The following DLGAP1 variants were observed in gnomAD, a reference collection of about 807,000 sequenced individuals.
DLGAP1 encodes the protein disks large-associated protein 1.
DLGAP1 carries 11 observed loss-of-function variants against 90.8 expected under a neutral mutation model. That is an observed-to-expected ratio of 0.12 (90% confidence interval 0.08 to 0.20). The LOEUF (loss-of-function observed/expected upper bound fraction) is 0.20. DLGAP1 is among the 10% of genes least tolerant of loss of function. DLGAP1 has a pLI of 1.00. For missense variants in DLGAP1, 1,050 were observed against 1,333.8 expected (o/e 0.79, Z 3.31); for synonymous variants, 558 against 540.7 (o/e 1.03, Z -0.44).
chr18:4,406,556 G>A (rs2082668931), intron 1 of DLGAP1, among the ~76,000 whole-genome samples: 1 of 152,220 alleles, frequency 6.6e-6, no homozygotes, highest in South Asian at 2.1e-4. Context: ...ACAGAGGTTT[G>A]TGAATGTCCA....
intron 3 of DLGAP1, among the ~76,000 whole-genome samples, chr18:3,998,843 T>G (rs977271821): frequency 2.0e-5 from 3 of 152,194 alleles, no homozygotes; most frequent in African/African-American, 2.4e-5. Flanking sequence ...TTTGCAGTTG[T>G]TTTTGTCATT....
chr18:4,166,212 G>A (rs1249438852), intron 1 of DLGAP1, among the ~76,000 whole-genome samples: 1 of 151,886 alleles, frequency 6.6e-6, no homozygotes, highest in Non-Finnish European at 1.5e-5. Flanking sequence ...ATGAACAAAG[G>A]ACTTGAATAG....
At chr18:3,535,231 G>A (rs971479820) in intron 9 of DLGAP1, among the ~76,000 whole-genome samples, 3 of 152,058 alleles carry the variant, frequency 2.0e-5, no homozygotes, top group African/African-American at 7.2e-5. Flanking sequence ...CATATCAAGA[G>A]AAATTTTATA....
intron 2 of DLGAP1, among the ~76,000 whole-genome samples, chr18:4,087,463 C>A (rs2075704023): frequency 6.6e-6 from 1 of 152,198 alleles, no homozygotes; most frequent in Admixed American, 6.5e-5. Context: ...AGATAACTAG[C>A]CAGACCCATC....
chr18:3,967,550 G>T lies in DLGAP1; in HGVS notation c.-73+37566C>A, dbSNP rs185904882. Among the ~76,000 whole-genome samples, 22 of 152,232 alleles carry T rather than the reference G, an allele frequency of 1.4e-4. 2 individuals are homozygous for T. Among genetic ancestry groups the T allele is most frequent in the Admixed American group, 1.4e-3 (22 of 15,302 alleles). On this transcript the variant is annotated intron_variant, in intron 3 of 12. Transcript: ENST00000315677. ...ACAATCCCTGCAGGTGACTGATGCC[G>T]GCTGAAATTTGAGAACCACTGGTAA...
At position 3,508,557 on chromosome 18, in the gene DLGAP1, G is replaced by C. The variant is rs1298947018; in HGVS notation, c.2571+13C>G. ...CACTAGCAGGGAAATTGTAGAAGGAGAGTGTTACCTACCAGGTTTTCTTCA... is the reference window on the plus strand; with the variant it reads ...CACTAGCAGGGAAATTGTAGAAGGACAGTGTTACCTACCAGGTTTTCTTCA... On this transcript the variant is annotated intron_variant, in intron 11 of 12. Coordinates refer to ENST00000315677, the MANE Select transcript of DLGAP1 (RefSeq NM_004746.4). The C allele has an allele frequency of 2.5e-6, 4 of 1,595,748 alleles. No homozygotes were observed. In the South Asian group the frequency reaches 4.5e-5, roughly 18 times the overall value.
intron 4 of DLGAP1, among the ~76,000 whole-genome samples, chr18:3,852,802 A>T (rs528342125): frequency 6.6e-6 from 1 of 152,256 alleles, no homozygotes; most frequent in South Asian, 2.1e-4. Context: ...TTATGTGAAT[A>T]TCTTTTCCAA....
At position 3,517,572 on chromosome 18, in the gene DLGAP1, CT is replaced by C. The variant is rs2050916084; in HGVS notation, c.2480-8912del. ...GTGGCTCATGCCTGTAATCCCAGCA[CT>C]TTGGGAGGCTGAGGCGGGTGGGTTA... is the stretch of plus-strand genomic sequence containing the variant. On this transcript the variant is annotated intron_variant, in intron 10 of 12. Transcript: ENST00000315677. The surrounding 1 kb of genome is among the most constrained non-coding windows in gnomAD (Gnocchi z 4.1). Among the ~76,000 whole-genome samples, 1 of 152,068 alleles carries C rather than the reference CT, an allele frequency of 6.6e-6. No homozygotes were observed. The highest frequency in any genetic ancestry group is 1.5e-5 in the Non-Finnish European group (1 of 68,022).
At chr18:3,741,214 CCACCA>C (rs1281256920) in intron 6 of DLGAP1, among the ~76,000 whole-genome samples, 2 of 130,054 alleles carry the variant, frequency 1.5e-5, no homozygotes, top group African/African-American at 3.0e-5. Flanking sequence ...ACCACCACCA[CCACCA>C]CATCACCATC....
intron 1 of DLGAP1, among the ~76,000 whole-genome samples, chr18:4,338,121 A>G (rs958001910): frequency 2.0e-5 from 3 of 152,196 alleles, no homozygotes; most frequent in East Asian, 1.9e-4. Flanking sequence ...CTCAGTTTGT[A>G]GATCTTTGAG....
At chr18:4,345,217 T>A (rs2081281068) in intron 1 of DLGAP1, among the ~76,000 whole-genome samples, 1 of 151,482 alleles carries the variant, frequency 6.6e-6, no homozygotes, top group East Asian at 2.0e-4. Context: ...ATGGCTCCCC[T>A]TTTTTTTAAT....
Position 4,361,450 on chromosome 18 carries a change from T to A in DLGAP1, c.-267+93556A>T, listed in dbSNP as rs138326144. Among the ~76,000 whole-genome samples the A allele has an allele frequency of 1.4e-4, 21 of 152,304 alleles. No individual in the cohort carries two copies. In the East Asian group the frequency reaches 4.1e-3, roughly 29 times the overall value. On this transcript the variant is annotated intron_variant, in intron 1 of 12. Coordinates refer to ENST00000315677, the MANE Select transcript of DLGAP1 (RefSeq NM_004746.4). ...AATAGACAGTTCAGAAATAAATCTTTACATTAATGGTCAAATGATTTTTGA... is the reference window on the plus strand; with the variant it reads ...AATAGACAGTTCAGAAATAAATCTTAACATTAATGGTCAAATGATTTTTGA...
chr18:3,632,320 G>A (rs1046761861), intron 7 of DLGAP1, among the ~76,000 whole-genome samples: 1 of 145,996 alleles, frequency 6.8e-6, no homozygotes. Context: ...TTTTTTTTGA[G>A]ATGGAATTTT....
chr18:3,735,768 T>C (rs1306452367), intron 6 of DLGAP1, among the ~76,000 whole-genome samples: 1 of 152,180 alleles, frequency 6.6e-6, no homozygotes, highest in Non-Finnish European at 1.5e-5. Context: ...TATTCCATTG[T>C]TATTCTTTCT....
At chr18:3,559,603 A>G (rs537406749) in intron 9 of DLGAP1, among the ~76,000 whole-genome samples, 93 of 143,128 alleles carry the variant, frequency 6.5e-4, no homozygotes, top group Admixed American at 5.1e-3. Flanking sequence ...TGCATTATGC[A>G]TTTACCACGA....
chr18:3,912,952 C>T (rs1599151025), intron 3 of DLGAP1, among the ~76,000 whole-genome samples: 1 of 152,114 alleles, frequency 6.6e-6, no homozygotes, highest in Non-Finnish European at 1.5e-5. Flanking sequence ...ATTTATAGAT[C>T]AGCCCTTTGG....
At chr18:3,973,703 A>G (rs2073505382) in intron 3 of DLGAP1, among the ~76,000 whole-genome samples, 1 of 152,172 alleles carries the variant, frequency 6.6e-6, no homozygotes, top group Admixed American at 6.5e-5. Context: ...TCTTTCTGAA[A>G]CCTGACAAAC....
intron 1 of DLGAP1, among the ~76,000 whole-genome samples, chr18:4,231,102 T>C (rs116993895): frequency 0.017 from 2,608 of 152,228 alleles, 35 homozygotes; most frequent in Non-Finnish European, 0.024. Flanking sequence ...CCTTCTTATT[T>C]ATTGTCAGAA....
intron 7 of DLGAP1, among the ~76,000 whole-genome samples, chr18:3,630,649 A>G (rs1815834750): frequency 6.6e-6 from 1 of 152,176 alleles, no homozygotes; most frequent in South Asian, 2.1e-4. Context: ...TCCCCACTGA[A>G]TTGCAAAGAT....
Sources: gnomAD v4.1 joint callset for allele counts (sites outside exome capture counted in the v4.1 genomes callset) on GRCh38, gnomAD v4.1.1 for gene constraint, Gnocchi (gnomAD v3.1) non-coding constraint, MANE v1.5 for transcripts, NCBI Gene and HGNC (gene_info 2026-07-23, HGNC 2026-07-21) for gene names.